EPHA6: variants seen among roughly 807,000 people sequenced by gnomAD.
The protein encoded by EPHA6 is EPH receptor A6, also known as ephrin type-A receptor 6.
EPHA6 carries 50 observed loss-of-function variants against 112.0 expected under a neutral mutation model. The observed-to-expected ratio is 0.45, with a 90% CI of 0.36 to 0.56. EPHA6 has a LOEUF of 0.56. Ranked by LOEUF, EPHA6 falls within the 20% of genes least tolerant of loss-of-function variation. The pLI, the probability that EPHA6 is intolerant of heterozygous loss-of-function variation, is 0.00. For synonymous variants in EPHA6, 529 were observed against 490.7 expected (o/e 1.08, Z -1.03); for missense variants, 1,280 against 1,417.4 (o/e 0.90, Z 1.56).
At chr3:97,539,038 GCTTT>G (rs1282186786) in intron 11 of EPHA6, among the ~76,000 whole-genome samples, 18 of 64,176 alleles carry the variant, frequency 2.8e-4, no homozygotes, top group Admixed American at 5.6e-4. Context: ...TTTCTTTCTT[GCTTT>G]CTTTCTTTCT....
intron 15 of EPHA6, among the ~76,000 whole-genome samples, chr3:97,725,926 T>TA (rs1180579561): frequency 6.6e-6 from 1 of 152,100 alleles, no homozygotes; most frequent in East Asian, 1.9e-4. Flanking sequence ...GCAAGTTGTT[T>TA]AAGCTTTCTG....
At chr3:97,665,600 A>G (rs970778896) in intron 14 of EPHA6, among the ~76,000 whole-genome samples, 3 of 152,218 alleles carry the variant, frequency 2.0e-5, no homozygotes, top group Non-Finnish European at 1.5e-5. Flanking sequence ...TTTAGAGCCA[A>G]AAGAAGAGAA....
intron 14 of EPHA6, among the ~76,000 whole-genome samples, chr3:97,640,385 G>A (rs1456653977): frequency 1.3e-5 from 2 of 152,152 alleles, no homozygotes; most frequent in Admixed American, 6.5e-5. Flanking sequence ...GGCACTCCAA[G>A]AAATTTGAAG....
intron 1 of EPHA6, among the ~76,000 whole-genome samples, chr3:96,848,116 T>C (rs2107356157): frequency 6.6e-6 from 1 of 152,198 alleles, no homozygotes; most frequent in East Asian, 1.9e-4. Flanking sequence ...ATATATTTCA[T>C]TAAATGTATC....
intron 2 of EPHA6, among the ~76,000 whole-genome samples, chr3:96,929,016 A>C (rs2040182028): frequency 6.6e-6 from 1 of 152,122 alleles, no homozygotes; most frequent in South Asian, 2.1e-4. Flanking sequence ...GTGTCTTTGC[A>C]TGTGAGATGA....
intron 2 of EPHA6, among the ~76,000 whole-genome samples, chr3:96,973,496 A>C (rs1185915482): frequency 1.3e-5 from 2 of 152,128 alleles, no homozygotes; most frequent in Non-Finnish European, 2.9e-5. Context: ...ATATCATTAT[A>C]AATAAATCTG....
At chr3:97,548,629 T>C (rs1032299510) in intron 11 of EPHA6, among the ~76,000 whole-genome samples, 4 of 152,222 alleles carry the variant, frequency 2.6e-5, no homozygotes, top group African/African-American at 9.6e-5. Flanking sequence ...CATAGAATTA[T>C]GCAATATGTA....
chr3:97,527,101 A>T (rs138755510), intron 10 of EPHA6, among the ~76,000 whole-genome samples: 2 of 152,278 alleles, frequency 1.3e-5, no homozygotes, highest in East Asian at 3.9e-4. Context: ...TTTTGGGTTC[A>T]CGGACAAAAC....
intron 11 of EPHA6, among the ~76,000 whole-genome samples, chr3:97,584,438 A>G (rs565913519): frequency 6.6e-6 from 1 of 152,312 alleles, no homozygotes; most frequent in East Asian, 1.9e-4. Flanking sequence ...GTTCATTGCT[A>G]TTAGTCAGAG....
chr3:96,831,561 A>ATC (rs1321875891), intron 1 of EPHA6, among the ~76,000 whole-genome samples: 3 of 151,794 alleles, frequency 2.0e-5, no homozygotes, highest in African/African-American at 7.3e-5. Context: ...AATAAAGATG[A>ATC]TCCATTCCTG....
chr3:97,332,135 A>T (rs973567515), intron 5 of EPHA6, among the ~76,000 whole-genome samples: 2 of 152,174 alleles, frequency 1.3e-5, no homozygotes, highest in Admixed American at 1.3e-4. Context: ...TCCAGCATAT[A>T]AACAGAACCA....
At position 97,320,929 on chromosome 3, in the gene EPHA6, C is replaced by T. The variant is rs545238702; in HGVS notation, c.1606+76642C>T. ...AATTTTCAGTGCTTTGGAGTTATTG[C>T]ACATTAAAAAATATTGTCACACAAA... On this transcript the variant is annotated intron_variant, in intron 5 of 17. Transcript: ENST00000389672. Among the ~76,000 whole-genome samples the T allele has an allele frequency of 4.0e-5, 6 of 151,250 alleles. No individual in the cohort carries two copies. The South Asian group carries it at 1.0e-3, about 26-fold the overall frequency.
intron 16 of EPHA6, among the ~76,000 whole-genome samples, chr3:97,743,130 C>A (rs999105634): frequency 1.3e-5 from 2 of 152,082 alleles, no homozygotes; most frequent in Admixed American, 6.6e-5. Flanking sequence ...TTTGAATAAA[C>A]AGCATATTAT....
At chr3:96,918,144 C>A (rs9833440) in intron 2 of EPHA6, among the ~76,000 whole-genome samples, 32,921 of 151,916 alleles carry the variant, frequency 0.22, 6,205 homozygotes, top group African/African-American at 0.48. Context: ...TGAGATTTTC[C>A]TTGCATAGAG....
At chr3:97,565,968 C>T (rs796090379) in intron 11 of EPHA6, among the ~76,000 whole-genome samples, 1 of 146,358 alleles carries the variant, frequency 6.8e-6, no homozygotes, top group Non-Finnish European at 1.5e-5. Flanking sequence ...TGCAGTGAGC[C>T]GAGATCATGC....
intron 3 of EPHA6, among the ~76,000 whole-genome samples, chr3:97,211,376 T>C (rs567876444): frequency 1.8e-4 from 27 of 152,314 alleles, no homozygotes; most frequent in South Asian, 1.0e-3. Flanking sequence ...AAGTTCTATC[T>C]TTTATTCCCA....
intron 3 of EPHA6, among the ~76,000 whole-genome samples, chr3:96,994,024 A>T (rs2612275): frequency 0.21 from 32,240 of 152,092 alleles, 6,712 homozygotes; most frequent in African/African-American, 0.54. Context: ...TATTTTATCC[A>T]AAAAGTCGTA....
chr3:96,993,347 A>G (rs952653682), intron 3 of EPHA6, among the ~76,000 whole-genome samples: 1 of 150,570 alleles, frequency 6.6e-6, no homozygotes, highest in East Asian at 2.0e-4. Context: ...ACCAGGCTAG[A>G]GTACAGTGGC....
At chr3:96,920,421 A>G (rs1181436521) in intron 2 of EPHA6, among the ~76,000 whole-genome samples, 1 of 151,972 alleles carries the variant, frequency 6.6e-6, no homozygotes, top group Non-Finnish European at 1.5e-5. Context: ...ACCTGCATTA[A>G]TTTATTCAGT....
Sources: gnomAD v4.1 joint callset for allele counts (sites outside exome capture counted in the v4.1 genomes callset) on GRCh38, gnomAD v4.1.1 for gene constraint, MANE v1.5 for transcripts, NCBI Gene and HGNC (gene_info 2026-07-23, HGNC 2026-07-21) for gene names.